COG5: variants seen among roughly 807,000 people sequenced by gnomAD.
COG5 encodes component of oligomeric golgi complex 5.
COG5 carries 86 observed loss-of-function variants against 110.4 expected under a neutral mutation model. The observed-to-expected ratio is 0.78, with a 90% CI of 0.65 to 0.93. The LOEUF is 0.93. Among genes scored for constraint, COG5 ranks in the 40% least tolerant of loss-of-function variants. The pLI, the probability that COG5 is intolerant of heterozygous loss-of-function variation, is 0.00. For synonymous variants in COG5, 360 were observed against 334.6 expected, an observed-to-expected ratio of 1.08 and a Z score of -0.83; for missense variants, 1,077 against 987.0, an observed-to-expected ratio of 1.09 and a Z score of -1.22.
intron 7 of COG5, among the ~76,000 whole-genome samples, chr7:107,390,918 G>C (rs535993033): frequency 1.3e-5 from 2 of 151,594 alleles, no homozygotes; most frequent in South Asian, 4.2e-4. Flanking sequence ...AAGGCCAGAA[G>C]GTTTTTGCAA....
chr7:107,471,788 A>C (rs1029877259), intron 6 of COG5: 1 of 152,032 alleles, frequency 6.6e-6, no homozygotes, highest in African/African-American at 2.4e-5. Context: ...TCAGATATTC[A>C]TATCAATTGG....
At chr7:107,320,436 C>A (rs917122424) in intron 11 of COG5, among the ~76,000 whole-genome samples, 3 of 152,158 alleles carry the variant, frequency 2.0e-5, no homozygotes, top group Non-Finnish European at 4.4e-5. Flanking sequence ...ACTGGCAATG[C>A]TCCTGGTTCC....
chr7:107,217,911 G>A (rs1439950089), intron 19 of COG5, among the ~76,000 whole-genome samples: 2 of 151,914 alleles, frequency 1.3e-5, no homozygotes, highest in Non-Finnish European at 2.9e-5. Context: ...AAATAGAAAA[G>A]AAAGACATGA....
At chr7:107,495,166 G>C (rs144752412) in intron 6 of COG5, among the ~76,000 whole-genome samples, 1 of 152,106 alleles carries the variant, frequency 6.6e-6, no homozygotes, top group Non-Finnish European at 1.5e-5. Flanking sequence ...ACTAACTTGC[G>C]GTGTCAGAGG....
chr7:107,490,037 TAACA>T (rs982939467), intron 6 of COG5, among the ~76,000 whole-genome samples: 16 of 152,198 alleles, frequency 1.1e-4, no homozygotes, highest in African/African-American at 2.7e-4. Context: ...AAAAAACAAC[TAACA>T]AACGCATTTT....
chr7:107,486,476 G>C (rs150664590), intron 6 of COG5, among the ~76,000 whole-genome samples: 4 of 151,092 alleles, frequency 2.6e-5, no homozygotes, highest in African/African-American at 9.7e-5. Context: ...TTCAAATGTA[G>C]AATTAAGATG....
chr7:107,497,119 A>C (rs928426675), intron 6 of COG5, among the ~76,000 whole-genome samples: 2 of 152,162 alleles, frequency 1.3e-5, no homozygotes, highest in Non-Finnish European at 2.9e-5. Context: ...CTGAGGCAAG[A>C]GGCTCACTTG....
chr7:107,355,262 T>A (rs1352624949), intron 10 of COG5, among the ~76,000 whole-genome samples: 3 of 152,102 alleles, frequency 2.0e-5, no homozygotes, highest in Non-Finnish European at 4.4e-5. Context: ...CACTGACAAA[T>A]CCAAATATTG....
intron 12 of COG5, among the ~76,000 whole-genome samples, chr7:107,287,419 C>G (rs973183940): frequency 6.6e-6 from 1 of 152,172 alleles, no homozygotes; most frequent in African/African-American, 2.4e-5. Context: ...TCCCCCAGCT[C>G]TATTTTGCCA....
At chr7:107,251,383 G>T (rs924509156) in intron 16 of COG5, among the ~76,000 whole-genome samples, 10 of 151,900 alleles carry the variant, frequency 6.6e-5, no homozygotes, top group Admixed American at 3.9e-4. Flanking sequence ...TTTAATTTAA[G>T]CTCATCAGAT....
chr7:107,341,266 C>T (rs1218425507), intron 10 of COG5, among the ~76,000 whole-genome samples: 1 of 152,008 alleles, frequency 6.6e-6, no homozygotes, highest in Admixed American at 6.6e-5. Context: ...AGAATGTAAT[C>T]CCATTTACAA....
chr7:107,206,165 G>T (rs1474645162), intron 21 of COG5, among the ~76,000 whole-genome samples: 4 of 152,122 alleles, frequency 2.6e-5, no homozygotes, highest in African/African-American at 9.7e-5. Context: ...GTTTCACCGT[G>T]TTGGCCAGGA....
At chr7:107,454,792 C>G (rs1795559755) in intron 6 of COG5, among the ~76,000 whole-genome samples, 1 of 151,966 alleles carries the variant, frequency 6.6e-6, no homozygotes, top group Non-Finnish European at 1.5e-5. Context: ...TGAGGTGATG[C>G]CTGCAACACA....
intron 3 of COG5, among the ~76,000 whole-genome samples, chr7:107,549,660 C>T (rs567615529): frequency 7.9e-5 from 12 of 151,912 alleles, no homozygotes; most frequent in South Asian, 2.1e-4. Context: ...CCTTGGCCTC[C>T]GAAAGTGCTG....
At chr7:107,489,969 T>TA (rs1399506819) in intron 6 of COG5, among the ~76,000 whole-genome samples, 2 of 152,132 alleles carry the variant, frequency 1.3e-5, no homozygotes, top group Non-Finnish European at 2.9e-5. Context: ...TTCAGCATAA[T>TA]ACCTGCCATA....
At chr7:107,395,642 C>T (rs1215789807) in intron 7 of COG5, among the ~76,000 whole-genome samples, 1 of 149,548 alleles carries the variant, frequency 6.7e-6, no homozygotes, top group Non-Finnish European at 1.5e-5. Flanking sequence ...GCAACCTCCG[C>T]CTCCTAGGTT....
chr7:107,402,598 TA>T (rs1261471653), intron 7 of COG5, among the ~76,000 whole-genome samples: 1 of 152,172 alleles, frequency 6.6e-6, no homozygotes, highest in Non-Finnish European at 1.5e-5. Flanking sequence ...GAGTCTGTTG[TA>T]ATCCTGAAAA....
intron 14 of COG5, among the ~76,000 whole-genome samples, chr7:107,273,510 T>C (rs893774979): frequency 2.6e-5 from 4 of 152,232 alleles, no homozygotes; most frequent in African/African-American, 7.2e-5. Flanking sequence ...ATCACTAATA[T>C]GCTTCAACAG....
intron 6 of COG5, among the ~76,000 whole-genome samples, chr7:107,481,134 G>C (rs571645507): frequency 6.6e-6 from 1 of 152,088 alleles, no homozygotes; most frequent in Non-Finnish European, 1.5e-5. Flanking sequence ...AGATAAGGGA[G>C]GTGAGCTAAG....
Sources: allele counts gnomAD v4.1 joint callset (sites outside exome capture counted in the v4.1 genomes callset), GRCh38; gene constraint gnomAD v4.1.1; transcripts MANE v1.5; gene names NCBI Gene and HGNC (gene_info 2026-07-23, HGNC 2026-07-21).